RDX: variants seen among roughly 807,000 people sequenced by gnomAD.
RDX encodes radixin.
Under a neutral mutation model 83.7 loss-of-function variants are expected in RDX, and 32 were observed. The ratio of observed to expected loss-of-function variants is 0.38; its 90% CI spans 0.29 to 0.51. The LOEUF is 0.51. RDX is among the 20% of genes least tolerant of loss of function. The pLI, the probability that RDX is intolerant of heterozygous loss-of-function variation, is 0.87. For missense variants in RDX, 600 were observed against 689.9 expected, an observed-to-expected ratio of 0.87 and a Z score of 1.46; for synonymous variants, 229 against 222.7, an observed-to-expected ratio of 1.03 and a Z score of -0.25.
rs1864608773 is a variant in RDX at position 110,230,905 on chromosome 11, C to T, written c.*964G>A. On this transcript the variant is annotated 3_prime_UTR_variant, in exon 14 of 14. Coordinates refer to ENST00000645495, the MANE Select transcript of RDX (RefSeq NM_002906.4). ...TGTAGTAGTGAGGTAGTATTGTTGT[C>T]CCCTCCTCGGGACTGATGTTTTTAT... is the stretch of plus-strand genomic sequence containing the variant. The T allele has an allele frequency of 6.6e-6, 1 of 152,284 alleles. No individual in the cohort carries two copies. Among genetic ancestry groups the T allele is most frequent in the South Asian group, 2.1e-4 (1 of 4,816 alleles). The allele number at this position is 152,284 out of a possible 1,614,324, so 9.4% of individuals were successfully genotyped here. A position where few individuals can be genotyped will look rare whatever the true frequency, so the allele number is the denominator to read the frequency against.
At chr11:110,291,832 A>G (rs577759410) in intron 1 of RDX, among the ~76,000 whole-genome samples, 64 of 152,296 alleles carry the variant, frequency 4.2e-4, no homozygotes, top group African/African-American at 1.5e-3. Context: ...TTTAGTATGC[A>G]AGACATTAAA....
intron 15 of RDX, among the ~76,000 whole-genome samples, chr11:110,177,947 A>G (rs957132019): frequency 6.6e-6 from 1 of 151,870 alleles, no homozygotes; most frequent in Admixed American, 6.6e-5. Flanking sequence ...ATACCCGCCC[A>G]GCACACACCC....
chr11:110,232,060 AT>A, intron 13 of RDX, 27 bp from the exon 14 acceptor site: 1 of 1,563,424 alleles, frequency 6.4e-7, no homozygotes, highest in South Asian at 1.1e-5. Flanking sequence ...AAGTACAACT[AT>A]TATTTTTTTC....
chr11:110,216,066 T>C (rs1864040458), intron 14 of RDX, among the ~76,000 whole-genome samples: 1 of 152,186 alleles, frequency 6.6e-6, no homozygotes, highest in African/African-American at 2.4e-5. Flanking sequence ...AATGTTTTTG[T>C]CCTACAGGGC....
chr11:110,270,215 A>G (rs1047702597), intron 3 of RDX, among the ~76,000 whole-genome samples: 12 of 152,110 alleles, frequency 7.9e-5, no homozygotes, highest in African/African-American at 2.9e-4. Context: ...TGAACATCAG[A>G]GTATACTTAA....
chr11:110,294,621 T>C (rs1416649267), intron 1 of RDX, among the ~76,000 whole-genome samples: 1 of 151,940 alleles, frequency 6.6e-6, no homozygotes, highest in Admixed American at 6.6e-5. Flanking sequence ...CGGAGACTAA[T>C]GAGACTCAGC....
In RDX at chr11:110,264,158, G is replaced by C; in HGVS notation, c.269C>G (p.Ser90Cys). The C allele has an allele frequency of 6.2e-7, 1 of 1,611,772 alleles. No homozygotes were observed. Reference sequence around the variant, plus strand: ...GGTTATTTCTTGAATTAATTCCTCAGAAACATCTTCAGGAAAGAATTTAGC... The same window carrying C: ...GGTTATTTCTTGAATTAATTCCTCACAAACATCTTCAGGAAAGAATTTAGC... The part of the protein sequence containing the change: ...FRAKFFPEDV[S>C]EELIQEITQR... Residue 90 changes from serine to cysteine, a missense_variant, in exon 5 of 14, where the codon TCT becomes TGT. Transcript: ENST00000645495.
intron 5 of RDX, among the ~76,000 whole-genome samples, chr11:110,261,106 C>T (rs1859786603): frequency 6.6e-6 from 1 of 152,160 alleles, no homozygotes; most frequent in South Asian, 2.1e-4. Context: ...ACTCCCAAAA[C>T]TGTATCTATA....
chr11:110,197,188 T>C (rs571590669), intron 15 of RDX, among the ~76,000 whole-genome samples: 14 of 152,278 alleles, frequency 9.2e-5, no homozygotes, highest in South Asian at 2.1e-4. Flanking sequence ...GCACGAGCCA[T>C]AGCGCCTGGC....
intron 14 of RDX, among the ~76,000 whole-genome samples, chr11:110,203,275 T>C (rs1237858321): frequency 2.0e-5 from 3 of 151,988 alleles, no homozygotes; most frequent in Non-Finnish European, 4.4e-5. Context: ...GGACAAAAAT[T>C]GTATGTTCTC....
At chr11:110,189,243 TAAAAAAAAA>T (rs35450797) in intron 15 of RDX, among the ~76,000 whole-genome samples, 186 of 35,614 alleles carry the variant, frequency 5.2e-3, no homozygotes, top group African/African-American at 0.012. Context: ...GAACAACAGG[TAAAAAAAAA>T]AAAAAAAAAA....
chr11:110,255,307 T>TA lies in RDX; in HGVS notation c.776_777insT (p.Ile260AsnfsTer7). 1.3e-6 allele frequency: 2 copies of TA among 1,579,158 alleles called. No individual in the cohort carries two copies. Among genetic ancestry groups the TA allele is most frequent in the Admixed American group, 3.3e-5 (2 of 59,832 alleles). ...TACTTACAGGTGCCTTTTTGTCGAT[T>TA]GGCTTTATAACAAATTTTTTGTCAT... On this transcript the variant is annotated frameshift_variant, in exon 8 of 14. Transcript: ENST00000645495. LOFTEE classifies it high-confidence loss of function.
At chr11:110,250,525 G>A (rs1859287304) in intron 9 of RDX, among the ~76,000 whole-genome samples, 1 of 152,080 alleles carries the variant, frequency 6.6e-6, no homozygotes, top group Non-Finnish European at 1.5e-5. Flanking sequence ...CCAACTAAGA[G>A]CCTTTCAGAC....
intron 9 of RDX, among the ~76,000 whole-genome samples, chr11:110,248,708 T>TA (rs1201414842): frequency 5.9e-5 from 9 of 151,944 alleles, no homozygotes. Context: ...CCCAAGAAAA[T>TA]ATCTTCTTTA....
At chr11:110,237,758 A>T (rs1864920585) in intron 10 of RDX, 106 bp from the exon 11 acceptor site, 1 of 1,238,596 alleles carries the variant, frequency 8.1e-7, no homozygotes, top group African/African-American at 1.5e-5. Flanking sequence ...AATTTCTAAA[A>T]GTTAGCACAC....
chr11:110,191,518 C>T (rs1243490966), intron 15 of RDX, among the ~76,000 whole-genome samples: 1 of 152,206 alleles, frequency 6.6e-6, no homozygotes, highest in African/African-American at 2.4e-5. Context: ...CAAGGATGCC[C>T]ACTCTTACCA....
intron 1 of RDX, among the ~76,000 whole-genome samples, chr11:110,289,973 A>ACAAAAAAAAC (rs1861160743): frequency 6.7e-6 from 1 of 148,204 alleles, no homozygotes; most frequent in African/African-American, 2.5e-5. Context: ...AAAAAAAAAA[A>ACAAAAAAAAC]AAAAAAAAAC....
chr11:110,209,432 A>C (rs1384102767), intron 14 of RDX, among the ~76,000 whole-genome samples: 3 of 152,146 alleles, frequency 2.0e-5, no homozygotes, highest in Non-Finnish European at 4.4e-5. Context: ...GCCATTGCCC[A>C]GGCTTGATTA....
chr11:110,279,894 C>G (rs577099370), intron 1 of RDX, 138 bp from the exon 2 acceptor site: 90 of 518,386 alleles, frequency 1.7e-4, no homozygotes, highest in South Asian at 1.2e-3. Context: ...TTCTCATTTT[C>G]AATATCTTCT....
Sources: allele counts gnomAD v4.1 joint callset (sites outside exome capture counted in the v4.1 genomes callset), GRCh38; gene constraint gnomAD v4.1.1; transcripts MANE v1.5; gene names NCBI Gene and HGNC (gene_info 2026-07-23, HGNC 2026-07-21).